Variants in MCAT observed in about 807,000 individuals in gnomAD.
The protein encoded by MCAT is malonyl-CoA-acyl carrier protein transacylase.
MCAT carries 22 observed loss-of-function variants against 22.9 expected under a neutral mutation model. The observed-to-expected ratio is 0.96, with a 90% CI of 0.69 to 1.37. MCAT has a LOEUF of 1.37. MCAT is among the 40% of genes most tolerant of loss of function. The pLI is 0.00. For missense variants in MCAT, 534 were observed against 533.6 expected (o/e 1.00, Z -0.01); for synonymous variants, 240 against 233.9 (o/e 1.03, Z -0.24).
intron 3 of MCAT, among the ~76,000 whole-genome samples, chr22:43,134,761 C>A (rs1930555139): frequency 6.6e-6 from 1 of 152,220 alleles, no homozygotes; most frequent in African/African-American, 2.4e-5. Context: ...ACTGACTCAC[C>A]CGTGCTTCCC....
At chr22:43,141,316 C>G (rs144043205) in intron 1 of MCAT, 67 bp from the exon 2 acceptor site, 1 of 1,381,876 alleles carries the variant, frequency 7.2e-7, no homozygotes, top group Non-Finnish European at 1.0e-6. Flanking sequence ...GGCTCTGTAC[C>G]TGAGAGCTGG....
chr22:43,135,445 A>C (rs375081333), intron 3 of MCAT, among the ~76,000 whole-genome samples: 2 of 147,986 alleles, frequency 1.4e-5, no homozygotes, highest in Non-Finnish European at 1.5e-5. Context: ...TGGAGGTTGC[A>C]GTGAGCCAAG....
At chr22:43,134,884 C>A (rs1177966886) in intron 3 of MCAT, among the ~76,000 whole-genome samples, 3 of 152,246 alleles carry the variant, frequency 2.0e-5, no homozygotes, top group South Asian at 2.1e-4. Context: ...TCCCTCCACA[C>A]CTAGATTGTC....
intron 1 of MCAT, 23 bp downstream of exon 1, chr22:43,142,903 T>G (rs751099451): frequency 6.7e-7 from 1 of 1,493,074 alleles, no homozygotes; most frequent in Non-Finnish European, 8.9e-7. Flanking sequence ...TTCCCCCTCC[T>G]GTCACGGGGC....
rs761238010 is a variant in MCAT, at chr22:43,133,138, T to G, written c.1078A>C (p.Ser360Arg). 8 of 1,613,954 alleles carry G rather than the reference T, an allele frequency of 5.0e-6. No homozygotes were observed. In the Admixed American group the frequency reaches 5.0e-5, roughly 10 times the overall value. Residue 360 changes from serine to arginine, a missense_variant, in exon 4 of 4, where the codon AGC becomes CGC. By Grantham distance (110) the Ser-to-Arg change is moderately radical. Transcript: ENST00000290429. ...PGRQLGAILK[S>R]CNMQAWKSYS... ...GACTTCCAGGCCTGCATGTTACAGC[T>G]CTTCAGGATGGCTCCCAGCTGCCTG...
At chr22:43,140,494 G>A (rs544771789) in intron 2 of MCAT, among the ~76,000 whole-genome samples, 179 of 152,232 alleles carry the variant, frequency 1.2e-3, no homozygotes, top group African/African-American at 4.1e-3. Flanking sequence ...GACTACAGGC[G>A]CACACCAACA....
Position 43,143,233 on chromosome 22 carries a change from A to T in MCAT, c.116T>A (p.Leu39Gln). The T allele has an allele frequency of 6.6e-7, 1 of 1,512,480 alleles. No individual in the cohort carries two copies. Among genetic ancestry groups the T allele is most frequent in the Admixed American group, 2.1e-5 (1 of 47,572 alleles). The allele number at this position is 1,512,480 out of a possible 1,614,324, so 93.7% of individuals were successfully genotyped here. A position where few individuals can be genotyped will look rare whatever the true frequency, so the allele number is the denominator to read the frequency against. Residue 39 changes from leucine to glutamine, a missense_variant, in exon 1 of 4, where the codon CTG (leucine) becomes CAG (glutamine). By Grantham distance (113) the Leu-to-Gln change is moderately radical. Coordinates refer to ENST00000290429, the MANE Select transcript of MCAT (RefSeq NM_173467.5). ...PPGAQGVAEL[L>Q]RDATGAEEEA... ...CTCCTCCGCCCCGGTCGCATCTCGCAGCAGCTCCGCTACACCCTGGGCGCC... is the reference window on the plus strand; with the variant it reads ...CTCCTCCGCCCCGGTCGCATCTCGCTGCAGCTCCGCTACACCCTGGGCGCC...
rs1308341460 is a variant in MCAT at position 43,143,140 on chromosome 22, T to C, written c.209A>G (p.Gln70Arg). ...GCCCATGCCCACCACCTGGCTGCCC[T>C]GGCCCGGGAAGAGCAGCACGGAGCA... The part of the protein sequence containing the change: ...GQCSVLLFPG[Q>R]GSQVVGMGRG... Residue 70 changes from glutamine to arginine, a missense_variant, in exon 1 of 4, where the codon CAG (glutamine) becomes CGG (arginine). Gln to Arg is a conservative substitution (Grantham distance 43). Transcript: ENST00000290429. The C allele has an allele frequency of 6.3e-7, 1 of 1,594,676 alleles. No homozygotes were observed. The highest frequency in any genetic ancestry group is 8.5e-7 in the Non-Finnish European group (1 of 1,175,532).
chr22:43,137,118 A>G lies in MCAT; in HGVS notation c.692T>C (p.Leu231Pro). 8 of 1,614,186 alleles carry G rather than the reference A, an allele frequency of 5.0e-6. No homozygotes were observed. Among genetic ancestry groups the G allele is most frequent in the Non-Finnish European group, 6.8e-6 (8 of 1,180,034 alleles). The change falls in exon 3 of 4, where the codon CTC (leucine) becomes CCC (proline). Residue 231 changes from leucine to proline, a missense_variant. Coordinates refer to ENST00000290429, the MANE Select transcript of MCAT (RefSeq NM_173467.5). ...ENPVCEVSNY[L>P]FPDCRVISGH... ...TGAAATCACCCTGCAATCTGGAAAG[A>G]GGTAGTTGGACACTTCACATACGGG...
rs1930843103 is a variant in MCAT at position 43,143,363 on chromosome 22, C to T, written c.-15G>A. 1.3e-5 allele frequency: 18 copies of T among 1,353,866 alleles called. No homozygotes were observed. In the East Asian group the frequency reaches 3.7e-4, roughly 28 times the overall value. The allele number at this position is 1,353,866 out of a possible 1,614,324, so 83.9% of individuals were successfully genotyped here. On this transcript the variant is annotated 5_prime_UTR_variant, in exon 1 of 4. Transcript: ENST00000290429. ...CGGACGCTCATGGTCGGACACCTGCCCGCGCGCGTTACCGTGGCGACCGAG... is the reference window on the plus strand; with the variant it reads ...CGGACGCTCATGGTCGGACACCTGCTCGCGCGCGTTACCGTGGCGACCGAG...
rs1314612414 is a variant in MCAT at position 43,143,286 on chromosome 22, G to C, written c.63C>G (p.Gly21=). Residue 21 remains glycine, a synonymous_variant, in exon 1 of 4, where the codon GGC becomes GGG. Transcript: ENST00000290429. ...GCGGAGGCACCGGGAAGCTCGAGGC[G>C]CCGCGGCGGTAGCTGGCGCCCAAGC... The part of the protein sequence containing the change: ...VRGLGASYRR[G]ASSFPVPPPG... 1 of 1,430,574 alleles carries C rather than the reference G, an allele frequency of 7.0e-7. No individual in the cohort carries two copies. The highest frequency in any genetic ancestry group is 9.1e-7 in the Non-Finnish European group (1 of 1,103,420). The allele number at this position is 1,430,574 out of a possible 1,614,324, so 88.6% of individuals were successfully genotyped here.
chr22:43,141,882 G>A (rs536454125), intron 1 of MCAT, among the ~76,000 whole-genome samples: 1 of 152,170 alleles, frequency 6.6e-6, no homozygotes, highest in South Asian at 2.1e-4. Context: ...CCGGCCAAGA[G>A]CATTTTTATC....
chr22:43,136,017 G>A (rs754592063), intron 3 of MCAT, among the ~76,000 whole-genome samples: 2 of 152,142 alleles, frequency 1.3e-5, no homozygotes, highest in Non-Finnish European at 2.9e-5. Context: ...CTGAGGTGGG[G>A]GGATCCCTTG....
In MCAT at chr22:43,143,002, C is replaced by A. The variant is rs1380769379; in HGVS notation, c.347G>T (p.Arg116Leu). The A allele has an allele frequency of 6.2e-7, 1 of 1,606,966 alleles. No individual in the cohort carries two copies. Among genetic ancestry groups the A allele is most frequent in the Admixed American group, 1.7e-5 (1 of 59,246 alleles). ...SLHGPQETLDRTVHCQPAIFV... is the reference protein window; with the variant it reads ...SLHGPQETLDLTVHCQPAIFV... ...GATCGCGGGCTGACAGTGCACGGTG[C>A]GGTCCAGGGTCTCCTGCGGCCCGTG... Residue 116 changes from arginine to leucine, a missense_variant, in exon 1 of 4, where the codon CGC becomes CTC. Physicochemically the swap from Arg to Leu is moderately radical, Grantham distance 102. Transcript: ENST00000290429.
At position 43,135,018 on chromosome 22, in the gene MCAT, A is replaced by G. The variant is rs1930562518; in HGVS notation, c.730-1532T>C. Among the ~76,000 whole-genome samples, 3 of 152,264 alleles carry G rather than the reference A, an allele frequency of 2.0e-5. No individual in the cohort carries two copies. In the South Asian group the frequency reaches 6.2e-4, roughly 31 times the overall value. ...CAACAGCTGAGCCCTCTCAAGTCCCAGGCTAGGGCCACAGGGCTCAAGGTC... is the reference window on the plus strand; with the variant it reads ...CAACAGCTGAGCCCTCTCAAGTCCCGGGCTAGGGCCACAGGGCTCAAGGTC... On this transcript the variant is annotated intron_variant, in intron 3 of 3. Transcript: ENST00000290429.
intron 1 of MCAT, 175 bp downstream of exon 1, chr22:43,142,745 AGCCTGG>A: frequency 3.4e-6 from 1 of 296,114 alleles, no homozygotes; most frequent in Non-Finnish European, 5.0e-6. Context: ...ACTGCACTCT[AGCCTGG>A]GCGACAGAGC....
chr22:43,139,338 C>A (rs1161891669), intron 2 of MCAT, among the ~76,000 whole-genome samples: 2 of 152,026 alleles, frequency 1.3e-5, no homozygotes, highest in African/African-American at 4.8e-5. Context: ...CCAGCCCTGG[C>A]AACATAGCGA....
intron 2 of MCAT, among the ~76,000 whole-genome samples, chr22:43,138,829 C>A (rs1194739278): frequency 6.6e-6 from 1 of 152,128 alleles, no homozygotes; most frequent in Non-Finnish European, 1.5e-5. Flanking sequence ...GAAGAGATGA[C>A]CAGACTGAGA....
At chr22:43,140,674 G>A (rs1458575356) in intron 2 of MCAT, among the ~76,000 whole-genome samples, 2 of 152,120 alleles carry the variant, frequency 1.3e-5, no homozygotes, top group Non-Finnish European at 2.9e-5. Context: ...GTTGGGGGCA[G>A]AGATGAAGGT....
Sources: gnomAD v4.1 joint callset for allele counts (sites outside exome capture counted in the v4.1 genomes callset) on GRCh38, gnomAD v4.1.1 for gene constraint, MANE v1.5 for transcripts, NCBI Gene and HGNC (gene_info 2026-07-23, HGNC 2026-07-21) for gene names.